The following TNIK variants were observed in gnomAD, a reference collection of about 807,000 sequenced individuals.
TNIK encodes the protein TRAF2 and NCK-interacting protein kinase.
A neutral mutation model predicts 191.3 loss-of-function variants in TNIK; 49 were observed. The ratio of observed to expected loss-of-function variants is 0.26; its 90% CI spans 0.20 to 0.32. The LOEUF is 0.32. TNIK is among the 10% of genes least tolerant of loss of function. TNIK has a pLI of 1.00. For missense variants in TNIK, 1,155 were observed against 1,702.3 expected (o/e 0.68, Z 5.66); for synonymous variants, 594 against 600.9 (o/e 0.99, Z 0.17).
intron 1 of TNIK, among the ~76,000 whole-genome samples, chr3:171,387,873 C>T (rs1342224138): frequency 1.3e-5 from 2 of 151,642 alleles, no homozygotes; most frequent in Non-Finnish European, 2.9e-5. Context: ...ATTGTATGTT[C>T]TCAGGAGAAA....
intron 7 of TNIK, among the ~76,000 whole-genome samples, chr3:171,177,693 C>T (rs1736125743): frequency 6.6e-6 from 1 of 152,120 alleles, no homozygotes; most frequent in Non-Finnish European, 1.5e-5. Context: ...TTTATAACAC[C>T]ATCATTGAGC....
chr3:171,139,015 A>G (rs894268348), intron 14 of TNIK, among the ~76,000 whole-genome samples: 1 of 152,216 alleles, frequency 6.6e-6, no homozygotes, highest in African/African-American at 2.4e-5. Flanking sequence ...AAATGTTCCC[A>G]TCGTAAGGGT....
At chr3:171,428,144 C>T (rs1431735252) in intron 1 of TNIK, among the ~76,000 whole-genome samples, 4 of 152,134 alleles carry the variant, frequency 2.6e-5, no homozygotes, top group Admixed American at 2.0e-4. Flanking sequence ...ATTAGGATCA[C>T]TTTAGACACT....
At chr3:171,338,393 A>G (rs1560448021) in intron 2 of TNIK, among the ~76,000 whole-genome samples, 1 of 152,210 alleles carries the variant, frequency 6.6e-6, no homozygotes, top group Non-Finnish European at 1.5e-5. Context: ...GTAATATGTT[A>G]ATATCCCCCA....
chr3:171,288,216 C>T (rs527931899), intron 2 of TNIK, among the ~76,000 whole-genome samples: 34 of 146,316 alleles, frequency 2.3e-4, no homozygotes, highest in Non-Finnish European at 4.9e-4. Context: ...ATACCTAATG[C>T]TAGATGACGA....
intron 9 of TNIK, 34 bp downstream of exon 9, chr3:171,175,218 C>A: frequency 1.3e-6 from 2 of 1,595,968 alleles, no homozygotes; most frequent in Non-Finnish European, 1.7e-6. Context: ...AAACCTCACC[C>A]TTAGATCTGC....
intron 2 of TNIK, among the ~76,000 whole-genome samples, chr3:171,259,122 G>A (rs765705402): frequency 2.6e-5 from 4 of 151,700 alleles, no homozygotes; most frequent in South Asian, 4.2e-4. Context: ...GCATGCACAC[G>A]AGAGAGAGAG....
intron 1 of TNIK, among the ~76,000 whole-genome samples, chr3:171,403,711 G>A (rs1721284567): frequency 6.6e-6 from 1 of 151,582 alleles, no homozygotes; most frequent in African/African-American, 2.4e-5. Flanking sequence ...AACTAATAAA[G>A]ACAGCAACTT....
rs184792075 is a variant in TNIK, at chr3:171,346,195, C to T, written c.123+23425G>A. On this transcript the variant is annotated intron_variant, in intron 2 of 32. Transcript: ENST00000436636. ...GGCACTGCAGTCAGACTCTGCTTGG[C>T]GTGGTTGATCATTAATTACTCTAAA... Among the ~76,000 whole-genome samples the T allele has an allele frequency of 1.4e-4, 22 of 152,160 alleles. No homozygotes were observed. The East Asian group carries it at 4.3e-3, about 29-fold the overall frequency.
chr3:171,393,944 T>C (rs954658611), intron 1 of TNIK, among the ~76,000 whole-genome samples: 9 of 152,260 alleles, frequency 5.9e-5, no homozygotes, highest in Admixed American at 5.9e-4. Flanking sequence ...GGAATTGGGA[T>C]GCATCTGAAA....
At chr3:171,297,382 A>T (rs910615882) in intron 2 of TNIK, among the ~76,000 whole-genome samples, 1 of 152,196 alleles carries the variant, frequency 6.6e-6, no homozygotes, top group Non-Finnish European at 1.5e-5. Flanking sequence ...TAATGCACTG[A>T]GAAAAAGAGA....
chr3:171,252,191 G>A (rs1198163852), intron 2 of TNIK, among the ~76,000 whole-genome samples: 2 of 152,070 alleles, frequency 1.3e-5, no homozygotes, highest in African/African-American at 4.8e-5. Context: ...AGCAGTTTGT[G>A]GGTGAGAAAA....
Position 171,332,623 on chromosome 3 carries a change from C to T in TNIK, c.123+36997G>A, listed in dbSNP as rs186237310. On this transcript the variant is annotated intron_variant, in intron 2 of 32. Transcript: ENST00000436636. ...CCAGAGAAAGGTGTGAGATGTGTAA[C>T]TGTCTCCAGGTAATCCTTCTGCCAG... 1.7e-3 allele frequency among the ~76,000 whole-genome samples: 258 copies of T among 152,302 alleles called. 1 individual carries two copies. Among genetic ancestry groups the T allele is most frequent in the Admixed American group, 0.011 (171 of 15,302 alleles).
chr3:171,357,973 G>A (rs1190177631), intron 2 of TNIK, among the ~76,000 whole-genome samples: 1 of 152,130 alleles, frequency 6.6e-6, no homozygotes, highest in Non-Finnish European at 1.5e-5. Flanking sequence ...AGCTCCAAGT[G>A]TGGGGCTACT....
intron 2 of TNIK, among the ~76,000 whole-genome samples, chr3:171,309,371 G>A (rs942722148): frequency 2.0e-5 from 3 of 152,090 alleles, no homozygotes; most frequent in African/African-American, 7.2e-5. Context: ...TGGACACAAA[G>A]AAGGGAACAA....
intron 1 of TNIK, among the ~76,000 whole-genome samples, chr3:171,376,363 T>C (rs1314389014): frequency 6.6e-6 from 1 of 152,192 alleles, no homozygotes; most frequent in Admixed American, 6.5e-5. Flanking sequence ...TCTAAAGCAG[T>C]AGAGGTTTGC....
At chr3:171,152,424 C>T (rs1014089686) in intron 12 of TNIK, among the ~76,000 whole-genome samples, 8 of 152,216 alleles carry the variant, frequency 5.3e-5, no homozygotes, top group East Asian at 1.9e-4. Context: ...AATATTTAAG[C>T]TGAATTTGAC....
intron 1 of TNIK, among the ~76,000 whole-genome samples, chr3:171,400,593 A>AATAAATAAATAAATAAATAAAT (rs1720811957): frequency 6.6e-6 from 1 of 151,946 alleles, no homozygotes; most frequent in African/African-American, 2.4e-5. Context: ...TAAATAAATA[A>AATAAATAAATAAATAAATAAAT]ATAAAGTGCT....
chr3:171,440,961 C>T (rs1454166232), intron 1 of TNIK, among the ~76,000 whole-genome samples: 1 of 152,118 alleles, frequency 6.6e-6, no homozygotes, highest in Non-Finnish European at 1.5e-5. Context: ...TTTGAGCTAC[C>T]TTATCTTGAA....
Sources: gnomAD v4.1 joint callset for allele counts (sites outside exome capture counted in the v4.1 genomes callset) on GRCh38, gnomAD v4.1.1 for gene constraint, MANE v1.5 for transcripts, NCBI Gene and HGNC (gene_info 2026-07-23, HGNC 2026-07-21) for gene names.